The following RPAP2 variants were observed in gnomAD, a reference collection of about 807,000 sequenced individuals.
RPAP2 encodes putative RNA polymerase II subunit B1 CTD phosphatase RPAP2.
Under a neutral mutation model 73.1 loss-of-function variants are expected in RPAP2, and 52 were observed. The observed-to-expected ratio is 0.71, with a 90% confidence interval of 0.57 to 0.90. The LOEUF (loss-of-function observed/expected upper bound fraction) is 0.90, where lower values mean the gene tolerates loss of function less well. Ranked by LOEUF, RPAP2 falls within the 40% of genes least tolerant of loss-of-function variation. The pLI is 0.00. For synonymous variants in RPAP2, 225 were observed against 242.1 expected, an observed-to-expected ratio of 0.93 and a Z score of 0.65; for missense variants, 598 against 701.8, an observed-to-expected ratio of 0.85 and a Z score of 1.67.
At position 92,304,009 on chromosome 1, in the gene RPAP2, TG is replaced by T; in HGVS notation, c.268del (p.Val90SerfsTer81). 8 of 1,613,026 alleles carry T rather than the reference TG, an allele frequency of 5.0e-6. No homozygotes were observed. The highest frequency in any genetic ancestry group is 6.8e-6 in the Non-Finnish European group (8 of 1,179,498). ...RFITPAHYSD[V>X]VDERSIVKLC... Reference sequence around the variant, plus strand: ...TCATTACACCTGCTCACTACAGTGATGTCGTGGATGAACGTTCTATTGTCAA... The same window carrying T: ...TCATTACACCTGCTCACTACAGTGATTCGTGGATGAACGTTCTATTGTCAA... On this transcript the variant is annotated frameshift_variant, in exon 4 of 13. Coordinates refer to ENST00000610020, the MANE Select transcript of RPAP2 (RefSeq NM_024813.3). LOFTEE classifies it high-confidence loss of function.
intron 10 of RPAP2, among the ~76,000 whole-genome samples, chr1:92,343,893 A>C (rs898493044): frequency 6.6e-6 from 1 of 152,164 alleles, no homozygotes; most frequent in Non-Finnish European, 1.5e-5. Context: ...GACATAAGGA[A>C]ACTTACCTGG....
At chr1:92,368,222 T>A (rs777231382) in intron 11 of RPAP2, among the ~76,000 whole-genome samples, 4 of 151,984 alleles carry the variant, frequency 2.6e-5, no homozygotes, top group Non-Finnish European at 5.9e-5. Context: ...CTAATAAAAA[T>A]ACATAAATTA....
chr1:92,369,962 G>T (rs1487932985), intron 11 of RPAP2, among the ~76,000 whole-genome samples: 4 of 152,162 alleles, frequency 2.6e-5, no homozygotes, highest in South Asian at 2.1e-4. Flanking sequence ...TCGGCTTACT[G>T]CAACCCCCAC....
At chr1:92,307,373 A>G in intron 6 of RPAP2, 97 bp downstream of exon 6, 1 of 747,278 alleles carries the variant, frequency 1.3e-6, no homozygotes, top group South Asian at 2.2e-5. Flanking sequence ...GTTTTCTGTA[A>G]AAAGTTACCA....
chr1:92,301,537 ATTG>A lies in RPAP2; in HGVS notation c.185_187del (p.Val62del). 1 of 1,594,496 alleles carries A rather than the reference ATTG, an allele frequency of 6.3e-7. No individual in the cohort carries two copies. The highest frequency in any genetic ancestry group is 8.5e-7 in the Non-Finnish European group (1 of 1,171,796). On this transcript the variant is annotated inframe_deletion, in exon 3 of 13. Transcript: ENST00000610020. Reference sequence around the variant, plus strand: ...TGAATTTGAGAGAAAAGCTCTACATATTGTTGAACAGCTTTTAGAGGAGAATAT... The same window carrying A: ...TGAATTTGAGAGAAAAGCTCTACATATTGAACAGCTTTTAGAGGAGAATAT...
At chr1:92,326,231 A>T (rs943749319) in intron 8 of RPAP2, among the ~76,000 whole-genome samples, 4 of 152,060 alleles carry the variant, frequency 2.6e-5, no homozygotes, top group Non-Finnish European at 5.9e-5. Context: ...TTGGTTTATG[A>T]TTATAATACA....
chr1:92,385,857 A>T (rs1655844386), intron 12 of RPAP2, among the ~76,000 whole-genome samples: 1 of 152,234 alleles, frequency 6.6e-6, no homozygotes, highest in East Asian at 1.9e-4. Flanking sequence ...CCTCTGGCTC[A>T]GGGTCTTTCC....
intron 3 of RPAP2, among the ~76,000 whole-genome samples, chr1:92,303,691 C>T (rs570378307): frequency 6.6e-6 from 1 of 152,260 alleles, no homozygotes; most frequent in African/African-American, 2.4e-5. Context: ...TCACTTCTTC[C>T]TCATGCCTCA....
intron 5 of RPAP2, among the ~76,000 whole-genome samples, chr1:92,306,000 G>A (rs1211502559): frequency 6.6e-6 from 1 of 151,956 alleles, no homozygotes; most frequent in Non-Finnish European, 1.5e-5. Flanking sequence ...GTTTATAGCT[G>A]GATAAACAAT....
At chr1:92,362,630 C>T (rs1465241938) in intron 11 of RPAP2, among the ~76,000 whole-genome samples, 1 of 152,154 alleles carries the variant, frequency 6.6e-6, no homozygotes, top group Non-Finnish European at 1.5e-5. Context: ...AGAAACTGCT[C>T]AAAACTGCTT....
At chr1:92,350,117 T>A (rs970734349) in intron 11 of RPAP2, among the ~76,000 whole-genome samples, 3 of 152,178 alleles carry the variant, frequency 2.0e-5, no homozygotes, top group African/African-American at 7.2e-5. Context: ...ACTGATTCCA[T>A]GGGACTTGAA....
At chr1:92,363,483 T>C (rs1157053017) in intron 11 of RPAP2, among the ~76,000 whole-genome samples, 1 of 152,320 alleles carries the variant, frequency 6.6e-6, no homozygotes, top group East Asian at 1.9e-4. Flanking sequence ...GAGAGATTTT[T>C]ACATCATGCC....
intron 11 of RPAP2, among the ~76,000 whole-genome samples, chr1:92,349,427 A>T (rs1253451095): frequency 1.3e-5 from 2 of 152,230 alleles, no homozygotes; most frequent in African/African-American, 4.8e-5. Flanking sequence ...TAATTGTATT[A>T]GTATGTTGCT....
At chr1:92,358,927 A>C (rs1654614304) in intron 11 of RPAP2, among the ~76,000 whole-genome samples, 1 of 152,150 alleles carries the variant, frequency 6.6e-6, no homozygotes, top group African/African-American at 2.4e-5. Context: ...CAGAAAAAAC[A>C]AATAGACCTA....
Position 92,303,567 on chromosome 1 carries a change from T to TA in RPAP2, c.235-404dup, listed in dbSNP as rs199676891. Among the ~76,000 whole-genome samples, 6 of 152,292 alleles carry TA rather than the reference T, an allele frequency of 3.9e-5. No homozygotes were observed. In the South Asian group the frequency reaches 1.0e-3, roughly 26 times the overall value. ...TACTTTGTTTTTAAAGATTATGCTTTAAAAAATAGGTAAAATTATATTTTA... is the reference window on the plus strand; with the variant it reads ...TACTTTGTTTTTAAAGATTATGCTTTAAAAAAATAGGTAAAATTATATTTTA... On this transcript the variant is annotated intron_variant, in intron 3 of 12. Transcript: ENST00000610020.
At chr1:92,362,948 A>C (rs17519972) in intron 11 of RPAP2, among the ~76,000 whole-genome samples, 23,248 of 152,160 alleles carry the variant, frequency 0.15, 2,363 homozygotes, top group Non-Finnish European at 0.21. Context: ...AAAATCAATC[A>C]AGTTCCCAAA....
At position 92,341,191 on chromosome 1, in the gene RPAP2, TAG is replaced by T. The variant is rs1210592905; in HGVS notation, c.1620-4651_1620-4650del. The stretch of plus-strand genomic sequence containing the variant: ...GCCCCGCCAATTTTTGTATTTTTTG[TAG>T]AGACGAGGTTTCACCATGTTGCCCA... On this transcript the variant is annotated intron_variant, in intron 10 of 12. Transcript: ENST00000610020. 1.6e-4 allele frequency among the ~76,000 whole-genome samples: 24 copies of T among 152,158 alleles called. No homozygotes were observed. The East Asian group carries it at 3.3e-3, about 21-fold the overall frequency.
In RPAP2 at chr1:92,393,248, T is replaced by C. The variant is rs1656099421; in HGVS notation, c.*6237T>C. On this transcript the variant is annotated 3_prime_UTR_variant, in exon 13 of 13. Transcript: ENST00000610020. ...AATGGGGAAAAGATTCCCTATTTAATAAATGGTGTTGGGAAAACGGGCTAG... is the reference window on the plus strand; with the variant it reads ...AATGGGGAAAAGATTCCCTATTTAACAAATGGTGTTGGGAAAACGGGCTAG... 1 of 152,192 alleles carries C rather than the reference T, an allele frequency of 6.6e-6. No homozygotes were observed. The highest frequency in any genetic ancestry group is 2.1e-4 in the South Asian group (1 of 4,830). The allele number at this position is 152,192 out of a possible 1,614,324, so 9.4% of individuals were successfully genotyped here. A position where few individuals can be genotyped will look rare whatever the true frequency, so the allele number is the denominator to read the frequency against.
chr1:92,373,733 TAAAAATAAAAAAAA>T (rs1204052471), intron 11 of RPAP2, among the ~76,000 whole-genome samples: 47 of 40,906 alleles, frequency 1.1e-3, no homozygotes, highest in South Asian at 7.4e-3. Context: ...CCGTCTCTAC[TAAAAATAAAAAAAA>T]AAAAAAAAAA....
Sources: gnomAD v4.1 joint callset for allele counts (sites outside exome capture counted in the v4.1 genomes callset) on GRCh38, gnomAD v4.1.1 for gene constraint, MANE v1.5 for transcripts, NCBI Gene and HGNC (gene_info 2026-07-23, HGNC 2026-07-21) for gene names.